ANKAR: variants seen among roughly 807,000 people sequenced by gnomAD.
ANKAR encodes the protein ankyrin and armadillo repeat-containing protein.
Under a neutral mutation model 146.2 loss-of-function variants are expected in ANKAR, and 136 were observed. The ratio of observed to expected loss-of-function variants is 0.93; its 90% CI spans 0.81 to 1.07. ANKAR has a LOEUF of 1.07. Ranked by LOEUF, ANKAR falls within the 50% of genes least tolerant of loss-of-function variation. The pLI is 0.00. For synonymous variants in ANKAR, 500 were observed against 575.8 expected (o/e 0.87, Z 1.88); for missense variants, 1,567 against 1,679.9 (o/e 0.93, Z 1.18).
At chr2:189,693,214 A>T in intron 5 of ANKAR, 37 bp downstream of exon 5, 2 of 1,344,716 alleles carry the variant, frequency 1.5e-6, no homozygotes, top group Non-Finnish European at 2.1e-6. Flanking sequence ...ATTAACTACA[A>T]TTTTTTGCAC....
At chr2:189,725,236 CACAT>C (rs1360631017) in intron 12 of ANKAR, among the ~76,000 whole-genome samples, 1 of 151,096 alleles carries the variant, frequency 6.6e-6, no homozygotes, top group Non-Finnish European at 1.5e-5. Flanking sequence ...TGTGTGTATA[CACAT>C]ACATATATAT....
At chr2:189,742,893 C>CACA (rs58932882) in intron 20 of ANKAR, among the ~76,000 whole-genome samples, 16 of 73,676 alleles carry the variant, frequency 2.2e-4, no homozygotes, top group African/African-American at 6.4e-4. Flanking sequence ...CACACACACA[C>CACA]TAGAATTACC....
At chr2:189,729,199 G>A (rs1387506730) in intron 15 of ANKAR, among the ~76,000 whole-genome samples, 1 of 152,160 alleles carries the variant, frequency 6.6e-6, no homozygotes, top group African/African-American at 2.4e-5. Flanking sequence ...ATTCTTGAAT[G>A]TCTCTGTAAT....
rs148779806 is a variant in ANKAR at position 189,693,168 on chromosome 2, A to G, written c.1298A>G (p.His433Arg). 1.6e-3 allele frequency: 2,423 copies of G among 1,552,386 alleles called. 14 individuals are homozygous for G. The highest frequency in any genetic ancestry group is 5.1e-3 in the South Asian group (430 of 84,936). The change falls in exon 5 of 23, where the codon CAT becomes CGT. Residue 433 changes from histidine (H) to arginine (R), a missense_variant. By Grantham distance (29) the His-to-Arg change is conservative. Coordinates refer to ENST00000684021, the MANE Select transcript of ANKAR (RefSeq NM_001378068.1). ...EYYSIPVMEF[H>R]GKSYYVIYFE... ...TACTCAATACCAGTCATGGAATTTC[A>G]TGGAAAAAGGTACGGAGCTTTCACT...
At chr2:189,748,294 C>T (rs74379118), downstream of ANKAR, among the ~76,000 whole-genome samples, 748 of 152,328 alleles carry the variant, frequency 4.9e-3, 4 homozygotes, top group African/African-American at 0.017. Flanking sequence ...CCTATAACTC[C>T]TGGGTTCAAA....
At position 189,681,332 on chromosome 2, in the gene ANKAR, A is replaced by C. The variant is rs184723621; in HGVS notation, c.601+4241A>C. ...GGAGCACATGTCCTGTTGTGTAACTAAGGGAAGAGGGCTCTTGCTTACTTG... is the reference window on the plus strand; with the variant it reads ...GGAGCACATGTCCTGTTGTGTAACTCAGGGAAGAGGGCTCTTGCTTACTTG... On this transcript the variant is annotated intron_variant, in intron 2 of 22. Coordinates refer to ENST00000684021, the MANE Select transcript of ANKAR (RefSeq NM_001378068.1). 1.1e-4 allele frequency among the ~76,000 whole-genome samples: 16 copies of C among 152,316 alleles called. No homozygotes were observed. In the East Asian group the frequency reaches 2.9e-3, roughly 28 times the overall value.
intron 2 of ANKAR, among the ~76,000 whole-genome samples, chr2:189,681,490 G>C (rs1357194988): frequency 6.6e-6 from 1 of 152,206 alleles, no homozygotes; most frequent in Non-Finnish European, 1.5e-5. Context: ...AAGGGGATCA[G>C]AGACACATAG....
rs556750357 is a variant in ANKAR, at chr2:189,693,190, C to T, written c.1307+13C>T. On this transcript the variant is annotated intron_variant, in intron 5 of 22. Transcript: ENST00000684021. ...TTCATGGAAAAAGGTACGGAGCTTT[C>T]ACTAATTACTGACATTAACTACAAT... 1.1e-5 allele frequency: 17 copies of T among 1,478,602 alleles called. No individual in the cohort carries two copies. Among genetic ancestry groups the T allele is most frequent in the South Asian group, 9.9e-5 (8 of 81,142 alleles). 91.6% of individuals were successfully genotyped at this position (1,478,602 alleles called of 1,614,324 possible). A position where few individuals can be genotyped will look rare whatever the true frequency, so the allele number is the denominator to read the frequency against.
intron 2 of ANKAR, among the ~76,000 whole-genome samples, chr2:189,679,464 T>C (rs1309722208): frequency 6.6e-6 from 1 of 152,226 alleles, no homozygotes; most frequent in Non-Finnish European, 1.5e-5. Flanking sequence ...TTATTTCTCT[T>C]GTCTGATTCC....
intron 12 of ANKAR, among the ~76,000 whole-genome samples, chr2:189,725,121 T>C (rs2041724604): frequency 6.6e-6 from 1 of 152,148 alleles, no homozygotes; most frequent in Non-Finnish European, 1.5e-5. Flanking sequence ...AATGTGTTGA[T>C]ATTATTGGGT....
At chr2:189,686,244 G>A (rs1273352608) in intron 2 of ANKAR, among the ~76,000 whole-genome samples, 2 of 152,044 alleles carry the variant, frequency 1.3e-5, no homozygotes, top group Non-Finnish European at 2.9e-5. Context: ...AAGAAAGGAG[G>A]GGATACATTG....
chr2:189,746,668 A>C, downstream of ANKAR: 1 of 1,534,646 alleles, frequency 6.5e-7, no homozygotes. Context: ...GCCATCTTTT[A>C]AAAATTTTTT....
rs571997937 is a variant in ANKAR, at chr2:189,700,527, C to T, written c.1708+4158C>T. Among the ~76,000 whole-genome samples the T allele has an allele frequency of 1.2e-4, 18 of 152,242 alleles. No homozygotes were observed. In the South Asian group the frequency reaches 3.3e-3, roughly 28 times the overall value. Reference sequence around the variant, plus strand: ...GTATCCATCACCTCAAGCATTTATCCTTTATTTGTGTTACATATAATCCAG... The same window carrying T: ...GTATCCATCACCTCAAGCATTTATCTTTTATTTGTGTTACATATAATCCAG... On this transcript the variant is annotated intron_variant, in intron 7 of 22. Coordinates refer to ENST00000684021, the MANE Select transcript of ANKAR (RefSeq NM_001378068.1).
At chr2:189,730,416 C>T in intron 15 of ANKAR, 79 bp from the exon 16 acceptor site, 1 of 839,268 alleles carries the variant, frequency 1.2e-6, no homozygotes, top group Non-Finnish European at 1.8e-6. Flanking sequence ...CTTTGTCAAC[C>T]CAAAATATCA....
rs201334371 is a variant in ANKAR at position 189,700,052 on chromosome 2, A to G, written c.1708+3683A>G. Among the ~76,000 whole-genome samples, 6 of 139,296 alleles carry G rather than the reference A, an allele frequency of 4.3e-5. 1 individual carries two copies. The highest frequency in any genetic ancestry group is 4.3e-4 in the Admixed American group (6 of 14,084). The allele number at this position is 139,296 out of a possible 152,430, so 91.4% of individuals were successfully genotyped here. On this transcript the variant is annotated intron_variant, in intron 7 of 22. Transcript: ENST00000684021. ...ACTTGACCTTCATTTTTTTTTTTTT[A>G]TTCTCTGATGCTCGTCCTTCCTTTA...
chr2:189,759,658 G>C (rs2046681320), intron 18 of ANKAR, among the ~76,000 whole-genome samples: 1 of 152,196 alleles, frequency 6.6e-6, no homozygotes, highest in African/African-American at 2.4e-5. Context: ...ATACAGGACT[G>C]TGATTCCAAA....
intron 19 of ANKAR, 77 bp downstream of exon 19, chr2:189,738,759 T>A (rs2043072556): frequency 1.1e-6 from 1 of 890,128 alleles, no homozygotes; most frequent in Non-Finnish European, 1.7e-6. Context: ...TGAATAATAA[T>A]AAAATAATAC....
chr2:189,727,487 G>A (rs1465785347), intron 12 of ANKAR, among the ~76,000 whole-genome samples: 1 of 117,220 alleles, frequency 8.5e-6, no homozygotes, highest in African/African-American at 3.3e-5. Context: ...ACACACCACT[G>A]CACTCCAGCC....
intron 19 of ANKAR, among the ~76,000 whole-genome samples, chr2:189,740,436 A>G (rs960201890): frequency 6.6e-6 from 1 of 152,248 alleles, no homozygotes; most frequent in Admixed American, 6.5e-5. Context: ...AACTCACGTC[A>G]TATCTCAATA....
Sources: allele counts gnomAD v4.1 joint callset (sites outside exome capture counted in the v4.1 genomes callset), GRCh38; gene constraint gnomAD v4.1.1; transcripts MANE v1.5; gene names NCBI Gene and HGNC (gene_info 2026-07-23, HGNC 2026-07-21).